Variants in SLIT3 observed in about 807,000 individuals in gnomAD.
SLIT3 encodes the protein slit homolog 3 protein.
A neutral mutation model predicts 184.0 loss-of-function variants in SLIT3; 68 were observed. The observed-to-expected ratio is 0.37, with a 90% CI of 0.30 to 0.45. The LOEUF (loss-of-function observed/expected upper bound fraction) is 0.45, where lower values mean the gene tolerates loss of function less well. SLIT3 is among the 20% of genes least tolerant of loss of function. The pLI is 1.00. For synonymous variants in SLIT3, 831 were observed against 828.6 expected (o/e 1.00, Z -0.05); for missense variants, 1,707 against 2,026.0 (o/e 0.84, Z 3.02).
intron 12 of SLIT3, among the ~76,000 whole-genome samples, chr5:168,784,950 G>A (rs1756100908): frequency 5.9e-5 from 9 of 151,412 alleles, no homozygotes; most frequent in Admixed American, 5.9e-4. Context: ...GGGCTGGGAG[G>A]TTTCTGAATG....
chr5:169,052,964 A>G (rs1044733345), intron 4 of SLIT3, among the ~76,000 whole-genome samples: 4 of 152,188 alleles, frequency 2.6e-5, no homozygotes, highest in Admixed American at 2.6e-4. Flanking sequence ...CCGATGCCCA[A>G]AGGAAAGTGG....
intron 4 of SLIT3, among the ~76,000 whole-genome samples, chr5:169,058,008 CAGCATG>C (rs1404024721): frequency 4.6e-5 from 7 of 152,310 alleles, no homozygotes; most frequent in African/African-American, 1.7e-4. Context: ...TTGCTTGCCC[CAGCATG>C]TAGTGAGTTA....
chr5:168,910,554 G>A (rs1160153215), intron 4 of SLIT3, among the ~76,000 whole-genome samples: 3 of 151,784 alleles, frequency 2.0e-5, no homozygotes, highest in Non-Finnish European at 2.9e-5. Flanking sequence ...CCATCCTGGC[G>A]AACACGGTGA....
chr5:169,123,337 C>T (rs190139024), intron 4 of SLIT3, among the ~76,000 whole-genome samples: 17 of 152,208 alleles, frequency 1.1e-4, no homozygotes, highest in Non-Finnish European at 5.9e-5. Context: ...AAGCCCACCT[C>T]CCAGTCAGTA....
chr5:168,974,801 G>T (rs1754692306), intron 4 of SLIT3, among the ~76,000 whole-genome samples: 1 of 152,204 alleles, frequency 6.6e-6, no homozygotes, highest in Admixed American at 6.5e-5. Context: ...TACCCTGACT[G>T]TCTAACTCCC....
intron 4 of SLIT3, among the ~76,000 whole-genome samples, chr5:169,054,433 T>C (rs1382721677): frequency 6.6e-6 from 1 of 152,088 alleles, no homozygotes; most frequent in Non-Finnish European, 1.5e-5. Flanking sequence ...TTTCCATTGC[T>C]TTTAACCACC....
intron 4 of SLIT3, among the ~76,000 whole-genome samples, chr5:169,117,275 C>G (rs111551741): frequency 6.6e-6 from 1 of 152,172 alleles, no homozygotes; most frequent in African/African-American, 2.4e-5. Flanking sequence ...ATAAAAAGCA[C>G]GGCTCCATGC....
chr5:168,727,746 G>T (rs1378174097), intron 20 of SLIT3, among the ~76,000 whole-genome samples: 1 of 152,194 alleles, frequency 6.6e-6, no homozygotes, highest in Non-Finnish European at 1.5e-5. Context: ...AGGGGCAGGG[G>T]CTCAGCCGGT....
At chr5:168,907,673 G>C (rs776640598) in intron 4 of SLIT3, among the ~76,000 whole-genome samples, 4 of 152,014 alleles carry the variant, frequency 2.6e-5, no homozygotes, top group Non-Finnish European at 4.4e-5. Context: ...GCACATTTTG[G>C]AAAACACAGG....
chr5:168,905,718 TC>T (rs1761027916), intron 4 of SLIT3, among the ~76,000 whole-genome samples: 1 of 152,194 alleles, frequency 6.6e-6, no homozygotes, highest in African/African-American at 2.4e-5. Context: ...TCTGTCTGCC[TC>T]CAGAAACTCG....
At chr5:169,267,090 C>T (rs1766423355) in intron 1 of SLIT3, among the ~76,000 whole-genome samples, 1 of 152,086 alleles carries the variant, frequency 6.6e-6, no homozygotes, top group Admixed American at 6.5e-5. Context: ...CATTTGGGGC[C>T]TTTTTTAATC....
At chr5:169,243,314 T>G (rs1466897530) in intron 3 of SLIT3, among the ~76,000 whole-genome samples, 2 of 152,194 alleles carry the variant, frequency 1.3e-5, no homozygotes, top group African/African-American at 4.8e-5. Context: ...ATGCTGAATA[T>G]TTCATACAAA....
chr5:168,785,787 A>G, intron 12 of SLIT3, 120 bp downstream of exon 12: 3 of 737,048 alleles, frequency 4.1e-6, no homozygotes, highest in Non-Finnish European at 7.0e-6. Context: ...CAGCTCAAAC[A>G]TTTTTTTCTC....
chr5:168,796,272 A>G lies in SLIT3; in HGVS notation c.936-694T>C, dbSNP rs532173846. Among the ~76,000 whole-genome samples the G allele has an allele frequency of 3.3e-5, 5 of 152,288 alleles. No homozygotes were observed. In the South Asian group the frequency reaches 6.2e-4, roughly 19 times the overall value. On this transcript the variant is annotated intron_variant, in intron 9 of 35. Transcript: ENST00000519560. ...TTCCTCTCCTATTACTTTGAAAGCA[A>G]CAAGAGACGCTGCAGGCCCAGGGCC...
At chr5:169,099,439 G>C (rs1759923924) in intron 4 of SLIT3, among the ~76,000 whole-genome samples, 1 of 152,080 alleles carries the variant, frequency 6.6e-6, no homozygotes, top group East Asian at 1.9e-4. Flanking sequence ...TCCCTTCCAT[G>C]TGCTAGACAC....
chr5:169,244,052 C>T (rs1765494084), intron 3 of SLIT3, among the ~76,000 whole-genome samples: 2 of 152,242 alleles, frequency 1.3e-5, no homozygotes, highest in South Asian at 4.1e-4. Context: ...TATTCATCAA[C>T]AAAACAAATG....
At chr5:168,678,775 GA>G (rs144973222) in intron 32 of SLIT3, among the ~76,000 whole-genome samples, 3,775 of 151,614 alleles carry the variant, frequency 0.025, 152 homozygotes, top group African/African-American at 0.086. Flanking sequence ...AAAAGTAGAG[GA>G]AAAAAAAGGA....
At chr5:168,798,220 CTTCTTT>C (rs748026231) in intron 9 of SLIT3, among the ~76,000 whole-genome samples, 2,632 of 112,252 alleles carry the variant, frequency 0.023, 209 homozygotes, top group African/African-American at 0.1. Context: ...TCTTCTTCTT[CTTCTTT>C]TTTTTTTTTT....
rs970737047 is a variant in SLIT3, at chr5:169,191,107, C to T, written c.413+2372G>A. 2.0e-5 allele frequency among the ~76,000 whole-genome samples: 3 copies of T among 152,286 alleles called. No individual in the cohort carries two copies. In the South Asian group the frequency reaches 6.2e-4, roughly 32 times the overall value. Reference sequence around the variant, plus strand: ...ACAGCTCAACACCCAGAACAGAGGCCATGCTGGAACAGACACCCAGGGAAA... The same window carrying T: ...ACAGCTCAACACCCAGAACAGAGGCTATGCTGGAACAGACACCCAGGGAAA... On this transcript the variant is annotated intron_variant, in intron 4 of 35. Transcript: ENST00000519560.
Sources: allele counts gnomAD v4.1 joint callset (sites outside exome capture counted in the v4.1 genomes callset), GRCh38; gene constraint gnomAD v4.1.1; transcripts MANE v1.5; gene names NCBI Gene and HGNC (gene_info 2026-07-23, HGNC 2026-07-21).